Variants in ARFGEF3 observed in about 807,000 individuals in gnomAD.
ARFGEF3 encodes the protein brefeldin A-inhibited guanine nucleotide-exchange protein 3.
A neutral mutation model predicts 221.7 loss-of-function variants in ARFGEF3; 96 were observed. The ratio of observed to expected loss-of-function variants is 0.43; its 90% CI spans 0.37 to 0.51. ARFGEF3 has a LOEUF of 0.51. Ranked by LOEUF, ARFGEF3 falls within the 20% of genes least tolerant of loss-of-function variation. The probability of loss-of-function intolerance (pLI) is 0.00; values close to 1 mark genes in which losing one functional copy is unlikely to be tolerated. For synonymous variants in ARFGEF3, 1,145 were observed against 1,126.8 expected (o/e 1.02, Z -0.32); for missense variants, 2,410 against 2,789.9 (o/e 0.86, Z 3.07).
chr6:138,285,412 C>A (rs1583049167), intron 14 of ARFGEF3, among the ~76,000 whole-genome samples: 1 of 151,184 alleles, frequency 6.6e-6, no homozygotes, highest in South Asian at 2.1e-4. Flanking sequence ...CGAGATCACG[C>A]CACTGCACTC....
intron 8 of ARFGEF3, among the ~76,000 whole-genome samples, chr6:138,250,408 C>T (rs562500990): frequency 6.6e-6 from 1 of 152,344 alleles, no homozygotes; most frequent in African/African-American, 2.4e-5. Flanking sequence ...TTCCCTGCTT[C>T]TCTCTCCTCC....
At chr6:138,199,248 A>G (rs1269540640) in intron 2 of ARFGEF3, among the ~76,000 whole-genome samples, 2 of 152,346 alleles carry the variant, frequency 1.3e-5, no homozygotes, top group Admixed American at 1.3e-4. Context: ...CATGTGTAGC[A>G]TGTTACTTTG....
chr6:138,317,548 G>A (rs1170394561), intron 27 of ARFGEF3, among the ~76,000 whole-genome samples, 169 bp downstream of exon 27: 2 of 152,212 alleles, frequency 1.3e-5, no homozygotes, highest in Non-Finnish European at 2.9e-5. Flanking sequence ...GATGCTTAAG[G>A]TATGGCCTGT....
intron 4 of ARFGEF3, chr6:138,218,639 G>T: frequency 1.4e-6 from 1 of 735,382 alleles, no homozygotes; most frequent in Non-Finnish European, 1.9e-6. Flanking sequence ...TAGAGAATCA[G>T]GTTGGCTGTA....
chr6:138,293,913 C>A, intron 19 of ARFGEF3, 80 bp from the exon 20 acceptor site: 1 of 1,436,188 alleles, frequency 7.0e-7, no homozygotes, highest in Non-Finnish European at 9.6e-7. Context: ...ATCACATCAA[C>A]AAAATTACCA....
intron 9 of ARFGEF3, among the ~76,000 whole-genome samples, chr6:138,254,901 A>C (rs562671674): frequency 2.1e-4 from 32 of 152,278 alleles, no homozygotes; most frequent in African/African-American, 7.7e-4. Flanking sequence ...TTCAAAAAGC[A>C]TGTAACTTAT....
intron 5 of ARFGEF3, among the ~76,000 whole-genome samples, chr6:138,236,427 C>T (rs993093264): frequency 6.6e-6 from 1 of 152,168 alleles, no homozygotes; most frequent in African/African-American, 2.4e-5. Context: ...TTAGATGTAT[C>T]TTCAAAGTTT....
chr6:138,235,520 C>T (rs541810180), intron 5 of ARFGEF3, among the ~76,000 whole-genome samples: 3 of 152,244 alleles, frequency 2.0e-5, no homozygotes, highest in Admixed American at 6.5e-5. Context: ...GAGCTCTGTC[C>T]CAGAAATTCA....
chr6:138,307,483 A>G, intron 23 of ARFGEF3, 86 bp downstream of exon 23: 6 of 1,213,480 alleles, frequency 4.9e-6, no homozygotes, highest in Non-Finnish European at 7.1e-6. Context: ...ATTGAACAAT[A>G]GGGAAGACAG....
chr6:138,294,858 C>T (rs532828573), intron 20 of ARFGEF3, among the ~76,000 whole-genome samples: 106 of 152,270 alleles, frequency 7.0e-4, no homozygotes, highest in African/African-American at 2.2e-3. Context: ...TGGGGATGCA[C>T]CTTAGTGACA....
intron 8 of ARFGEF3, among the ~76,000 whole-genome samples, chr6:138,252,713 C>T (rs1426379334): frequency 1.3e-5 from 2 of 152,124 alleles, no homozygotes; most frequent in East Asian, 3.8e-4. Flanking sequence ...AGAGACATAA[C>T]CAAAAATTAT....
chr6:138,284,785 G>C (rs1367301626), intron 14 of ARFGEF3, among the ~76,000 whole-genome samples: 3 of 152,148 alleles, frequency 2.0e-5, no homozygotes, highest in Non-Finnish European at 4.4e-5. Flanking sequence ...GCAAGGACAG[G>C]AACATGTTCT....
At chr6:138,242,490 C>A (rs1778409827) in intron 6 of ARFGEF3, among the ~76,000 whole-genome samples, 1 of 152,126 alleles carries the variant, frequency 6.6e-6, no homozygotes, top group South Asian at 2.1e-4. Flanking sequence ...TTTTGAAGTC[C>A]AGGAACCTAA....
In ARFGEF3 at chr6:138,210,033, G is replaced by A. The variant is rs149485557; in HGVS notation, c.343G>A (p.Val115Met). 2 of 1,613,518 alleles carry A rather than the reference G, an allele frequency of 1.2e-6. No individual in the cohort carries two copies. The highest frequency in any genetic ancestry group is 8.5e-7 in the Non-Finnish European group (1 of 1,179,668). The change falls in exon 4 of 34, where the codon GTG becomes ATG. Residue 115 changes from valine (V) to methionine (M), a missense_variant. By Grantham distance (21) the Val-to-Met change is conservative. Coordinates refer to ENST00000251691, the MANE Select transcript of ARFGEF3 (RefSeq NM_020340.5). ...GCTCAACGAGGACCTGCAGGTGGAAGTGATGAAGGTTGGTTTGACGTGGCC... is the reference window on the plus strand; with the variant it reads ...GCTCAACGAGGACCTGCAGGTGGAAATGATGAAGGTTGGTTTGACGTGGCC... ...PSLNEDLQVE[V>M]MKVLLCITYT...
intron 32 of ARFGEF3, among the ~76,000 whole-genome samples, chr6:138,331,972 G>A (rs764520793): frequency 1.3e-5 from 2 of 151,910 alleles, no homozygotes; most frequent in Admixed American, 6.6e-5. Context: ...TTACATGCAT[G>A]GTTAACAGCT....
intron 29 of ARFGEF3, among the ~76,000 whole-genome samples, chr6:138,321,906 C>G (rs191540015): frequency 6.6e-6 from 1 of 151,540 alleles, no homozygotes; most frequent in Non-Finnish European, 1.5e-5. Context: ...TACAGTTCCA[C>G]GTGGCTGGGG....
At chr6:138,292,096 A>C in intron 19 of ARFGEF3, 43 bp downstream of exon 19, 1 of 1,363,264 alleles carries the variant, frequency 7.3e-7, no homozygotes, top group Non-Finnish European at 9.5e-7. Context: ...CCTGCTTACC[A>C]GGCGACACCC....
chr6:138,241,683 C>T (rs537277445), intron 6 of ARFGEF3, among the ~76,000 whole-genome samples: 1 of 152,056 alleles, frequency 6.6e-6, no homozygotes, highest in Non-Finnish European at 1.5e-5. Flanking sequence ...TCATGGGCCA[C>T]CTCAAAATTA....
chr6:138,306,377 G>A lies in ARFGEF3; in HGVS notation c.3829-876G>A, dbSNP rs182686709. On this transcript the variant is annotated intron_variant, in intron 22 of 33. Transcript: ENST00000251691. ...TGAAAGACTCAATATTTTTAAAATAGCAAATCTCCCCAAATTGATGTATAG... is the reference window on the plus strand; with the variant it reads ...TGAAAGACTCAATATTTTTAAAATAACAAATCTCCCCAAATTGATGTATAG... Among the ~76,000 whole-genome samples the A allele has an allele frequency of 1.1e-3, 169 of 152,224 alleles. 1 individual carries two copies. The highest frequency in any genetic ancestry group is 3.7e-3 in the African/African-American group (152 of 41,568).
Sources: gnomAD v4.1 joint callset for allele counts (sites outside exome capture counted in the v4.1 genomes callset) on GRCh38, gnomAD v4.1.1 for gene constraint, MANE v1.5 for transcripts, NCBI Gene and HGNC (gene_info 2026-07-23, HGNC 2026-07-21) for gene names.